The following NRG1 variants were observed in gnomAD, a reference collection of about 807,000 sequenced individuals.
NRG1 encodes the protein neuregulin 1, also known as pro-neuregulin-1, membrane-bound isoform.
In NRG1, 18 loss-of-function variants were observed where a neutral mutation model predicts 63.8. That is an observed-to-expected ratio of 0.28 (90% confidence interval 0.19 to 0.42). The LOEUF (loss-of-function observed/expected upper bound fraction) is 0.42. NRG1 is among the 10% of genes least tolerant of loss of function. The pLI is 1.00. For missense variants in NRG1, 762 were observed against 814.7 expected, an observed-to-expected ratio of 0.94 and a Z score of 0.79; for synonymous variants, 302 against 301.3, an observed-to-expected ratio of 1.00 and a Z score of -0.02.
chr8:32,383,072 A>G lies in NRG1; in HGVS notation c.38-212756A>G, dbSNP rs577415489. Among the ~76,000 whole-genome samples, 169 of 151,906 alleles carry G rather than the reference A, an allele frequency of 1.1e-3. 1 individual carries two copies. The highest frequency in any genetic ancestry group is 2.0e-3 in the Non-Finnish European group (133 of 67,946). ...TTTCGTCCCTACTAAAAAAAAAAAA[A>G]AAAATTAGATGGGCATGGTGGCACA... is the stretch of plus-strand genomic sequence containing the variant. On this transcript the variant is annotated intron_variant, in intron 1 of 10. Coordinates refer to the NRG1 transcript ENST00000519301.
rs1340135638 is a variant in NRG1 at position 32,071,996 on chromosome 8, G to C, written c.37+432565G>C. On this transcript the variant is annotated intron_variant, in intron 1 of 10. Coordinates refer to the NRG1 transcript ENST00000519301. ...TAAGGTTCTTTAAGGGTAAAATAAA[G>C]AGAAAGGGAAGAAAGGCAGAGTTCT... 4.6e-5 allele frequency among the ~76,000 whole-genome samples: 7 copies of C among 152,228 alleles called. No homozygotes were observed. The South Asian group carries it at 8.3e-4, about 18-fold the overall frequency.
At chr8:32,724,326 TG>T (rs955515845) in intron 5 of NRG1, among the ~76,000 whole-genome samples, 2 of 152,102 alleles carry the variant, frequency 1.3e-5, no homozygotes, top group African/African-American at 4.8e-5. Context: ...GAACAACTAT[TG>T]GGGGGTATCA....
At chr8:32,740,889 T>C (rs891486353) in intron 6 of NRG1, among the ~76,000 whole-genome samples, 1 of 152,190 alleles carries the variant, frequency 6.6e-6, no homozygotes, top group Non-Finnish European at 1.5e-5. Flanking sequence ...TAAAAATCAC[T>C]AGGGATGAGC....
chr8:31,663,802 T>G (rs1341259898), intron 1 of NRG1, among the ~76,000 whole-genome samples: 3 of 152,138 alleles, frequency 2.0e-5, no homozygotes, highest in Non-Finnish European at 4.4e-5. Context: ...TTTTCTCCCA[T>G]TCTTCTATTC....
intron 1 of NRG1, among the ~76,000 whole-genome samples, chr8:31,974,716 G>T (rs1371389446): frequency 6.6e-6 from 1 of 152,170 alleles, no homozygotes; most frequent in Non-Finnish European, 1.5e-5. Flanking sequence ...ATAATTTAGT[G>T]TGCACCTTAT....
At position 32,538,826 on chromosome 8, in the gene NRG1, G is replaced by A. The variant is rs554772825; in HGVS notation, c.38-57002G>A. Among the ~76,000 whole-genome samples, 25 of 152,224 alleles carry A rather than the reference G, an allele frequency of 1.6e-4. No individual in the cohort carries two copies. The South Asian group carries it at 4.4e-3, about 26-fold the overall frequency. ...AGAAGATAAAAAGATGATTCCTGAGGCATCATTACTGCATGGCAGAGAGAC... is the reference window on the plus strand; with the variant it reads ...AGAAGATAAAAAGATGATTCCTGAGACATCATTACTGCATGGCAGAGAGAC... On this transcript the variant is annotated intron_variant, in intron 1 of 10. Transcript: ENST00000519301.
intron 1 of NRG1, among the ~76,000 whole-genome samples, chr8:31,783,890 T>C (rs1294122905): frequency 6.6e-6 from 1 of 152,228 alleles, no homozygotes; most frequent in Non-Finnish European, 1.5e-5. Flanking sequence ...TTATTGAGTC[T>C]AAATATATGC....
intron 1 of NRG1, among the ~76,000 whole-genome samples, chr8:31,866,135 C>G (rs1173635654): frequency 6.6e-6 from 1 of 152,168 alleles, no homozygotes; most frequent in African/African-American, 2.4e-5. Context: ...ACCCAACCAC[C>G]ATTGTAGGCA....
chr8:32,448,670 A>AT (rs10712721), intron 1 of NRG1, among the ~76,000 whole-genome samples: 1,714 of 151,482 alleles, frequency 0.011, 29 homozygotes, highest in African/African-American at 0.039. Context: ...TCAATTAGCT[A>AT]TTTTTTTTTC....
chr8:32,731,784 T>C (rs1394213288), intron 6 of NRG1, among the ~76,000 whole-genome samples: 1 of 152,206 alleles, frequency 6.6e-6, no homozygotes, highest in Non-Finnish European at 1.5e-5. Flanking sequence ...AATATTGCAT[T>C]GGCTCATCAT....
chr8:32,149,422 G>A lies in NRG1; in HGVS notation c.38-446406G>A, dbSNP rs565584040. ...GTCTGGAATACCTTCCCCTCCCTCA[G>A]GAACTTAACCAGCTTCAACATGCAG... On this transcript the variant is annotated intron_variant, in intron 1 of 10. Coordinates refer to the NRG1 transcript ENST00000519301. Among the ~76,000 whole-genome samples, 254 of 152,194 alleles carry A rather than the reference G, an allele frequency of 1.7e-3. 3 individuals are homozygous for A. Among genetic ancestry groups the A allele is most frequent in the African/African-American group, 5.9e-3 (244 of 41,528 alleles).
chr8:32,518,785 GAAAT>G (rs1830069103), intron 1 of NRG1, among the ~76,000 whole-genome samples: 1 of 152,154 alleles, frequency 6.6e-6, no homozygotes, highest in Non-Finnish European at 1.5e-5. Flanking sequence ...AAAGAAATGA[GAAAT>G]AACAGTGGGG....
At chr8:31,956,061 AC>A (rs1162243018) in intron 1 of NRG1, among the ~76,000 whole-genome samples, 3 of 151,488 alleles carry the variant, frequency 2.0e-5, no homozygotes, top group Non-Finnish European at 2.9e-5. Flanking sequence ...AAACAAAAAA[AC>A]AAAAAAACAA....
intron 1 of NRG1, among the ~76,000 whole-genome samples, chr8:32,437,719 C>T (rs1818966422): frequency 6.6e-6 from 1 of 152,064 alleles, no homozygotes; most frequent in Non-Finnish European, 1.5e-5. Flanking sequence ...TTTTAATTAC[C>T]AACATAACAC....
intron 1 of NRG1, among the ~76,000 whole-genome samples, chr8:32,245,899 C>G (rs1377525953): frequency 6.6e-6 from 1 of 152,118 alleles, no homozygotes; most frequent in African/African-American, 2.4e-5. Context: ...AAATGCCTCT[C>G]TTTTAGAGGT....
chr8:32,237,826 G>A (rs1382579169), intron 1 of NRG1, among the ~76,000 whole-genome samples: 2 of 152,070 alleles, frequency 1.3e-5, no homozygotes, highest in Admixed American at 6.6e-5. Context: ...CAGCTTGGCT[G>A]TGTTAATTTT....
At chr8:31,930,915 A>G (rs1834805683) in intron 1 of NRG1, among the ~76,000 whole-genome samples, 1 of 152,134 alleles carries the variant, frequency 6.6e-6, no homozygotes, top group African/African-American at 2.4e-5. Flanking sequence ...GTTTCTCCAG[A>G]TGTTACAGGC....
At chr8:31,717,149 G>A (rs1812426582) in intron 1 of NRG1, among the ~76,000 whole-genome samples, 1 of 152,310 alleles carries the variant, frequency 6.6e-6, no homozygotes, top group African/African-American at 2.4e-5. Flanking sequence ...GCTTACGCCT[G>A]TAATCCTAGC....
At chr8:32,537,938 G>A (rs533078410) in intron 1 of NRG1, among the ~76,000 whole-genome samples, 30 of 152,108 alleles carry the variant, frequency 2.0e-4, no homozygotes, top group African/African-American at 6.0e-4. Context: ...TGCAACCTCC[G>A]CCTCCTGGGT....
Sources: gnomAD v4.1 joint callset for allele counts (sites outside exome capture counted in the v4.1 genomes callset) on GRCh38, gnomAD v4.1.1 for gene constraint, MANE v1.5 for transcripts, NCBI Gene and HGNC (gene_info 2026-07-23, HGNC 2026-07-21) for gene names.